The following PBX3 variants were observed in gnomAD, a reference collection of about 807,000 sequenced individuals.
PBX3 encodes PBX homeobox 3.
Under a neutral mutation model 48.5 loss-of-function variants are expected in PBX3, and 14 were observed. The observed-to-expected ratio is 0.29, with a 90% CI of 0.19 to 0.45. The LOEUF (loss-of-function observed/expected upper bound fraction) is 0.45. Ranked by LOEUF, PBX3 falls within the 20% of genes least tolerant of loss-of-function variation. The pLI is 1.00. For missense variants in PBX3, 386 were observed against 546.7 expected (o/e 0.71, Z 2.93); for synonymous variants, 210 against 200.3 (o/e 1.05, Z -0.41).
chr9:125,869,728 A>G (rs954870243), intron 2 of PBX3, among the ~76,000 whole-genome samples: 3 of 152,208 alleles, frequency 2.0e-5, no homozygotes, highest in Admixed American at 2.0e-4. Flanking sequence ...TACCAATAGA[A>G]TTCCACTAAA....
chr9:125,784,396 T>A (rs1244157719), intron 2 of PBX3, among the ~76,000 whole-genome samples: 2 of 152,196 alleles, frequency 1.3e-5, no homozygotes, highest in Admixed American at 6.5e-5. Flanking sequence ...CTTAAAGTGC[T>A]GGGATTAGAG....
intron 2 of PBX3, among the ~76,000 whole-genome samples, chr9:125,850,669 T>C (rs886198920): frequency 1.3e-5 from 2 of 152,020 alleles, no homozygotes; most frequent in Non-Finnish European, 2.9e-5. Context: ...TGAAAAATTA[T>C]AATTTGTAAA....
chr9:125,858,827 C>T (rs12238853), intron 2 of PBX3, among the ~76,000 whole-genome samples: 9,020 of 151,978 alleles, frequency 0.059, 615 homozygotes, highest in East Asian at 0.17. Context: ...GGTTTCACCA[C>T]GTTAGCCAGG....
rs544467713 is a variant in PBX3, at chr9:125,935,246, C to T, written c.708-226C>T. 3.9e-5 allele frequency among the ~76,000 whole-genome samples: 6 copies of T among 152,292 alleles called. No homozygotes were observed. In the South Asian group the frequency reaches 1.2e-3, roughly 32 times the overall value. On this transcript the variant is annotated intron_variant, in intron 4 of 8. Transcript: ENST00000373489. ...TCTTCAAAGAATGAAGCACAATAGT[C>T]TGCTTCATAGTCTGGTATTTTTCTC...
intron 2 of PBX3, among the ~76,000 whole-genome samples, chr9:125,887,534 C>T (rs976854156): frequency 5.9e-5 from 9 of 152,214 alleles, no homozygotes; most frequent in Middle Eastern, 3.4e-3. Flanking sequence ...CTTTATGTTG[C>T]GTATGCACAA....
intron 2 of PBX3, among the ~76,000 whole-genome samples, chr9:125,775,583 G>A (rs1384824447): frequency 1.3e-5 from 2 of 152,156 alleles, no homozygotes; most frequent in Non-Finnish European, 2.9e-5. Flanking sequence ...TGGATTCGTA[G>A]TTCTATTTCA....
At chr9:125,780,552 C>T (rs1215085322) in intron 2 of PBX3, among the ~76,000 whole-genome samples, 1 of 141,708 alleles carries the variant, frequency 7.1e-6, no homozygotes, top group Non-Finnish European at 1.5e-5. Flanking sequence ...GGGTGGCTGG[C>T]GAGGCAGAGG....
At chr9:125,834,247 A>G (rs1472176970) in intron 2 of PBX3, among the ~76,000 whole-genome samples, 1 of 152,126 alleles carries the variant, frequency 6.6e-6, no homozygotes, top group African/African-American at 2.4e-5. Context: ...TCTGTAAGAG[A>G]AGGAAAAATA....
intron 2 of PBX3, among the ~76,000 whole-genome samples, chr9:125,807,237 T>C (rs1344587003): frequency 6.6e-6 from 1 of 151,792 alleles, no homozygotes; most frequent in Non-Finnish European, 1.5e-5. Flanking sequence ...GGCAGGAGAA[T>C]CACTTGAACC....
intron 2 of PBX3, among the ~76,000 whole-genome samples, chr9:125,899,452 TATAGAGAGAGAGAGAGAG>T (rs1840885708): frequency 1.1e-5 from 1 of 89,068 alleles, no homozygotes; most frequent in African/African-American, 4.1e-5. Context: ...TATATATATA[TATAGAGAGAGAGAGAGAG>T]AGAGAGAGAG....
At chr9:125,819,592 C>T (rs750465928) in intron 2 of PBX3, among the ~76,000 whole-genome samples, 27 of 152,052 alleles carry the variant, frequency 1.8e-4, no homozygotes, top group Non-Finnish European at 2.6e-4. Context: ...AAATGGGAAA[C>T]GTGCAAATAC....
intron 2 of PBX3, among the ~76,000 whole-genome samples, chr9:125,900,347 A>T (rs1840914526): frequency 6.7e-6 from 1 of 149,722 alleles, no homozygotes; most frequent in Non-Finnish European, 1.5e-5. Context: ...TGGACCACTT[A>T]TTGTACAGAG....
chr9:125,767,645 CT>C (rs781586394), intron 2 of PBX3, among the ~76,000 whole-genome samples: 1 of 152,166 alleles, frequency 6.6e-6, no homozygotes, highest in Admixed American at 6.5e-5. Context: ...TTATAGACAC[CT>C]TGAATATCAT....
At chr9:125,822,589 A>G (rs982489877) in intron 2 of PBX3, among the ~76,000 whole-genome samples, 1 of 152,192 alleles carries the variant, frequency 6.6e-6, no homozygotes, top group Non-Finnish European at 1.5e-5. Context: ...TTCCCTGAGC[A>G]TACCGTTTAT....
intron 2 of PBX3, among the ~76,000 whole-genome samples, chr9:125,874,421 G>T (rs1840200734): frequency 6.6e-6 from 1 of 152,042 alleles, no homozygotes; most frequent in African/African-American, 2.4e-5. Flanking sequence ...CGATATAGAT[G>T]GAAAAACTCA....
intron 2 of PBX3, among the ~76,000 whole-genome samples, chr9:125,914,749 A>G (rs932282052): frequency 6.6e-6 from 1 of 152,236 alleles, no homozygotes; most frequent in Non-Finnish European, 1.5e-5. Flanking sequence ...GTTTTAGATT[A>G]TGTTACACAT....
chr9:125,780,590 T>A (rs1453315847), intron 2 of PBX3, among the ~76,000 whole-genome samples: 1 of 112,922 alleles, frequency 8.9e-6, no homozygotes, highest in Middle Eastern at 7.5e-3. Context: ...TAGGGGAGGC[T>A]GGGCAGAGGC....
chr9:125,852,229 G>C (rs895622127), intron 2 of PBX3, among the ~76,000 whole-genome samples: 2 of 152,074 alleles, frequency 1.3e-5, no homozygotes, highest in African/African-American at 4.8e-5. Flanking sequence ...TTACTGCCTT[G>C]GCAAAGGAAT....
intron 2 of PBX3, among the ~76,000 whole-genome samples, chr9:125,780,732 C>T (rs1230036959): frequency 7.6e-6 from 1 of 131,984 alleles, no homozygotes; most frequent in Non-Finnish European, 1.7e-5. Context: ...GGCTGACCCC[C>T]CCCACCTCCC....
Sources: gnomAD v4.1 joint callset for allele counts (sites outside exome capture counted in the v4.1 genomes callset) on GRCh38, gnomAD v4.1.1 for gene constraint, MANE v1.5 for transcripts, NCBI Gene and HGNC (gene_info 2026-07-23, HGNC 2026-07-21) for gene names.